Variants in NR2F1-AS1 observed in about 807,000 individuals in gnomAD.
NR2F1-AS1 encodes the protein NR2F1 antisense RNA 1.
intron 4 of NR2F1-AS1, among the ~76,000 whole-genome samples, chr5:93,435,204 G>C (rs1357121527): frequency 6.6e-6 from 1 of 152,018 alleles, no homozygotes; most frequent in African/African-American, 2.4e-5. Flanking sequence ...ACATTTATCA[G>C]TTAGTATCCT....
chr5:93,452,016 T>C (rs1749841409), intron 4 of NR2F1-AS1, among the ~76,000 whole-genome samples: 1 of 152,090 alleles, frequency 6.6e-6, no homozygotes, highest in Admixed American at 6.5e-5. Flanking sequence ...TTTAGAATTA[T>C]CTAATGTTTT....
chr5:93,415,440 C>A (rs1748949322), intron 4 of NR2F1-AS1, among the ~76,000 whole-genome samples: 2 of 152,146 alleles, frequency 1.3e-5, no homozygotes, highest in South Asian at 4.1e-4. Flanking sequence ...TAACAACTCA[C>A]CATTCAGTAT....
intron 1 of NR2F1-AS1, among the ~76,000 whole-genome samples, chr5:93,577,451 T>A (rs920674397): frequency 3.9e-5 from 6 of 152,192 alleles, no homozygotes; most frequent in African/African-American, 1.4e-4. Flanking sequence ...TCCACCTGGT[T>A]TTTTGTTGAT....
chr5:93,581,762 T>C (rs1489396170), upstream of NR2F1-AS1, among the ~76,000 whole-genome samples: 3 of 3,422 alleles, frequency 8.8e-4, no homozygotes, highest in African/African-American at 1.6e-3. Flanking sequence ...CTCCCTCTCC[T>C]CTCTCCCTCT....
chr5:93,420,350 C>T (rs979403832), intron 4 of NR2F1-AS1, among the ~76,000 whole-genome samples: 3 of 152,294 alleles, frequency 2.0e-5, no homozygotes, highest in African/African-American at 7.2e-5. Flanking sequence ...CACTTATTCA[C>T]CCCAAATTTA....
chr5:93,486,435 AC>A (rs1750719218), intron 4 of NR2F1-AS1, among the ~76,000 whole-genome samples: 1 of 152,144 alleles, frequency 6.6e-6, no homozygotes, highest in African/African-American at 2.4e-5. Flanking sequence ...CCACAGAAAT[AC>A]AAACTACCAT....
intron 4 of NR2F1-AS1, among the ~76,000 whole-genome samples, chr5:93,508,088 T>C (rs527574246): frequency 6.6e-6 from 1 of 152,320 alleles, no homozygotes; most frequent in Admixed American, 6.5e-5. Context: ...AGAAATTCCA[T>C]GAAGGTTGTT....
chr5:93,487,206 T>C (rs920430463), intron 4 of NR2F1-AS1, among the ~76,000 whole-genome samples: 8 of 152,070 alleles, frequency 5.3e-5, no homozygotes, highest in African/African-American at 1.9e-4. Flanking sequence ...ATACCCTCTC[T>C]CACCACTCCT....
chr5:93,573,922 A>G (rs917385876), intron 1 of NR2F1-AS1, among the ~76,000 whole-genome samples: 7 of 152,344 alleles, frequency 4.6e-5, no homozygotes, highest in African/African-American at 1.7e-4. Flanking sequence ...ACACCCATCC[A>G]GAGTAATTAG....
chr5:93,474,780 A>G (rs1358186426), intron 4 of NR2F1-AS1, among the ~76,000 whole-genome samples: 2 of 152,212 alleles, frequency 1.3e-5, no homozygotes, highest in African/African-American at 4.8e-5. Context: ...ATTGGAGATT[A>G]GGTTTCAACA....
chr5:93,417,870 T>C (rs1486446010), intron 4 of NR2F1-AS1, among the ~76,000 whole-genome samples: 1 of 152,212 alleles, frequency 6.6e-6, no homozygotes, highest in African/African-American at 2.4e-5. Context: ...ACAGGGGATT[T>C]TTTTTCTCCT....
chr5:93,531,020 T>C (rs1231213025), intron 4 of NR2F1-AS1, among the ~76,000 whole-genome samples: 1 of 152,180 alleles, frequency 6.6e-6, no homozygotes, highest in Admixed American at 6.5e-5. Context: ...AGAGCTGCCA[T>C]TTTTTTGTTT....
At chr5:93,481,787 A>C (rs1422486073) in intron 4 of NR2F1-AS1, among the ~76,000 whole-genome samples, 1 of 152,140 alleles carries the variant, frequency 6.6e-6, no homozygotes, top group Non-Finnish European at 1.5e-5. Context: ...ACAGAAATTA[A>C]ATAACATATT....
chr5:93,437,795 T>C (rs966634667), intron 4 of NR2F1-AS1, among the ~76,000 whole-genome samples: 6 of 152,372 alleles, frequency 3.9e-5, no homozygotes, highest in Admixed American at 2.0e-4. Context: ...AAAGTTTATA[T>C]ATTTTATTGT....
chr5:93,467,066 A>C (rs1410372079), intron 4 of NR2F1-AS1, among the ~76,000 whole-genome samples: 3 of 151,902 alleles, frequency 2.0e-5, no homozygotes, highest in Non-Finnish European at 2.9e-5. Context: ...ATGCCTGGAT[A>C]ATTTTCTGTA....
chr5:93,426,101 G>A (rs1325215484), intron 4 of NR2F1-AS1, among the ~76,000 whole-genome samples: 6 of 151,544 alleles, frequency 4.0e-5, no homozygotes, highest in African/African-American at 1.5e-4. Context: ...AGGCTGGAGT[G>A]CAGTGGTGCC....
intron 4 of NR2F1-AS1, among the ~76,000 whole-genome samples, chr5:93,442,088 C>T (rs1170701671): frequency 1.3e-5 from 2 of 152,134 alleles, no homozygotes; most frequent in Non-Finnish European, 2.9e-5. Flanking sequence ...TCCAAGATGG[C>T]CAAATAGGAA....
intron 4 of NR2F1-AS1, among the ~76,000 whole-genome samples, chr5:93,464,471 T>C (rs1046209820): frequency 2.0e-5 from 3 of 152,214 alleles, no homozygotes; most frequent in African/African-American, 7.2e-5. Context: ...TCTAATATAG[T>C]CTTAGAAATT....
chr5:93,504,346 A>T (rs949317991), intron 4 of NR2F1-AS1, among the ~76,000 whole-genome samples: 7 of 152,244 alleles, frequency 4.6e-5, no homozygotes, highest in Admixed American at 4.6e-4. Context: ...CATATTCAAG[A>T]TATCAAAGAA....
Sources: gnomAD v4.1 joint callset for allele counts (sites outside exome capture counted in the v4.1 genomes callset) on GRCh38, gnomAD v4.1.1 for gene constraint, MANE v1.5 for transcripts, NCBI Gene and HGNC (gene_info 2026-07-23, HGNC 2026-07-21) for gene names.